The following SSH2 variants were observed in gnomAD, a reference collection of about 807,000 sequenced individuals.
SSH2 encodes the protein slingshot protein phosphatase 2, also known as protein phosphatase Slingshot homolog 2.
Under a neutral mutation model 135.2 loss-of-function variants are expected in SSH2, and 37 were observed. The ratio of observed to expected loss-of-function variants is 0.27; its 90% CI spans 0.21 to 0.36. The LOEUF is 0.36. SSH2 is among the 10% of genes least tolerant of loss of function. The pLI, the probability that SSH2 is intolerant of heterozygous loss-of-function variation, is 1.00. For synonymous variants in SSH2, 628 were observed against 646.2 expected (o/e 0.97, Z 0.43); for missense variants, 1,408 against 1,765.3 (o/e 0.80, Z 3.63).
rs2035915750 is a variant in SSH2, at chr17:29,636,394, C to T, written c.1836G>A (p.Met612Ile). The change falls in exon 15 of 16, where the codon ATG (methionine) becomes ATA (isoleucine). Residue 612 changes from methionine (M) to isoleucine (I), a missense_variant. By Grantham distance (10) the Met-to-Ile change is conservative. Transcript: ENST00000540801. ...ALIQPGHVPE[M>I]ANKFPDLTVE... is the part of the protein sequence containing the mutation. ...CTGTTAAGTCTGGAAACTTGTTGGC[C>T]ATTTCTGGGACATGTCCAGGCTGAA... 6.2e-7 allele frequency: 1 copy of T among 1,613,996 alleles called. No homozygotes were observed. The highest frequency in any genetic ancestry group is 1.3e-5 in the African/African-American group (1 of 74,864).
intron 3 of SSH2, among the ~76,000 whole-genome samples, chr17:29,714,111 T>G (rs1567907968): frequency 1.3e-5 from 2 of 152,088 alleles, no homozygotes; most frequent in South Asian, 4.1e-4. Context: ...TTTTTCAAAA[T>G]GGAAAAATTT....
At chr17:29,731,091 G>A (rs370572975) in intron 3 of SSH2, among the ~76,000 whole-genome samples, 26 of 152,250 alleles carry the variant, frequency 1.7e-4, no homozygotes, top group African/African-American at 6.3e-4. Flanking sequence ...ATGTCTGGGT[G>A]CCTCTGAGTC....
At chr17:29,700,689 C>T (rs1001058456) in intron 4 of SSH2, among the ~76,000 whole-genome samples, 2 of 152,206 alleles carry the variant, frequency 1.3e-5, no homozygotes, top group African/African-American at 4.8e-5. Flanking sequence ...TATTCTGTAT[C>T]ATTCCCCTCC....
intron 3 of SSH2, among the ~76,000 whole-genome samples, chr17:29,736,057 A>T (rs1376076689): frequency 1.3e-5 from 2 of 152,144 alleles, no homozygotes; most frequent in Non-Finnish European, 2.9e-5. Context: ...AGATTGCGCC[A>T]CTGCAGTCCA....
intron 1 of SSH2, among the ~76,000 whole-genome samples, chr17:29,912,185 A>T (rs2066777508): frequency 6.6e-6 from 1 of 152,224 alleles, no homozygotes; most frequent in African/African-American, 2.4e-5. Flanking sequence ...ATGTACTGCC[A>T]GAGCTACAAT....
intron 1 of SSH2, among the ~76,000 whole-genome samples, chr17:29,920,546 T>C (rs1452211617): frequency 6.6e-6 from 1 of 152,158 alleles, no homozygotes; most frequent in Non-Finnish European, 1.5e-5. Flanking sequence ...ATTTAGTACT[T>C]CCCAAGGAGG....
intron 3 of SSH2, among the ~76,000 whole-genome samples, chr17:29,738,105 G>A (rs1477914698): frequency 6.6e-6 from 1 of 152,188 alleles, no homozygotes; most frequent in Non-Finnish European, 1.5e-5. Flanking sequence ...GGGCCCGGGT[G>A]TGTGATGTTC....
intron 3 of SSH2, among the ~76,000 whole-genome samples, chr17:29,769,099 A>G (rs999872021): frequency 3.3e-5 from 5 of 152,170 alleles, no homozygotes; most frequent in Non-Finnish European, 5.9e-5. Flanking sequence ...CACTATCTCA[A>G]TTCTTATAAA....
intron 1 of SSH2, among the ~76,000 whole-genome samples, chr17:29,901,591 A>T (rs371213093): frequency 6.6e-6 from 1 of 152,170 alleles, no homozygotes; most frequent in African/African-American, 2.4e-5. Context: ...TTGACCTCTG[A>T]TTAACAAGAA....
rs191454182 is a variant in SSH2, at chr17:29,681,267, G to A, written c.479+3296C>T. ...GGAGAATCGCTTGAACCCAGGAGACGGAGGTTGCAGTGAGCTGAGATTGCA... is the reference window on the plus strand; with the variant it reads ...GGAGAATCGCTTGAACCCAGGAGACAGAGGTTGCAGTGAGCTGAGATTGCA... On this transcript the variant is annotated intron_variant, in intron 6 of 15. Coordinates refer to ENST00000540801, the MANE Select transcript of SSH2 (RefSeq NM_001282129.2). Among the ~76,000 whole-genome samples, 276 of 145,354 alleles carry A rather than the reference G, an allele frequency of 1.9e-3. 1 individual carries two copies. The highest frequency in any genetic ancestry group is 6.8e-3 in the African/African-American group (268 of 39,518).
chr17:29,688,090 A>G (rs1397664957), intron 5 of SSH2, among the ~76,000 whole-genome samples: 2 of 150,518 alleles, frequency 1.3e-5, no homozygotes, highest in Non-Finnish European at 3.0e-5. Flanking sequence ...GGCTCACTGC[A>G]ACCCCCGCCC....
At chr17:29,873,548 G>C (rs1432339264) in intron 1 of SSH2, among the ~76,000 whole-genome samples, 4 of 150,492 alleles carry the variant, frequency 2.7e-5, no homozygotes, top group African/African-American at 7.4e-5. Flanking sequence ...GACAGAGCCA[G>C]ACTATGTTTA....
chr17:29,847,954 G>A (rs891239525), intron 2 of SSH2, among the ~76,000 whole-genome samples: 1 of 152,138 alleles, frequency 6.6e-6, no homozygotes, highest in Non-Finnish European at 1.5e-5. Context: ...CAGTTGCCAA[G>A]AGCCCACACG....
At chr17:29,684,400 C>A (rs566867850) in intron 6 of SSH2, among the ~76,000 whole-genome samples, 163 bp downstream of exon 6, 1 of 151,880 alleles carries the variant, frequency 6.6e-6, no homozygotes, top group East Asian at 1.9e-4. Context: ...TCGCTTGAAC[C>A]CGGGAGGCGG....
intron 3 of SSH2, among the ~76,000 whole-genome samples, chr17:29,706,598 A>T (rs1337239751): frequency 6.6e-6 from 1 of 152,228 alleles, no homozygotes; most frequent in Non-Finnish European, 1.5e-5. Context: ...GCCACACCAC[A>T]GACAGGAAAT....
chr17:29,714,777 T>C (rs2039557910), intron 3 of SSH2, among the ~76,000 whole-genome samples: 1 of 152,164 alleles, frequency 6.6e-6, no homozygotes, highest in Admixed American at 6.5e-5. Context: ...TGATTACAAC[T>C]CCCTCTCCTT....
intron 3 of SSH2, among the ~76,000 whole-genome samples, chr17:29,781,553 C>T (rs1403074755): frequency 7.0e-6 from 1 of 143,778 alleles, no homozygotes; most frequent in Admixed American, 7.3e-5. Flanking sequence ...AGTCTCAGCT[C>T]ACTGCAACCT....
rs2042849271 is a variant in SSH2 at position 29,831,781 on chromosome 17, T to C, written c.144+17068A>G. Among the ~76,000 whole-genome samples the C allele has an allele frequency of 3.9e-5, 6 of 152,044 alleles. No homozygotes were observed. In the South Asian group the frequency reaches 8.3e-4, roughly 21 times the overall value. ...TTGTGGTAGAGACGGGGTTTCGCCA[T>C]GTTGGCGAGGCTGTCTCCAACTCCT... On this transcript the variant is annotated intron_variant, in intron 2 of 15. Coordinates refer to ENST00000540801, the MANE Select transcript of SSH2 (RefSeq NM_001282129.2).
chr17:29,662,017 C>T (rs546427556), intron 11 of SSH2, among the ~76,000 whole-genome samples: 16 of 152,274 alleles, frequency 1.1e-4, no homozygotes, highest in South Asian at 8.3e-4. Context: ...TCTTTGCAGA[C>T]CCAATTTCCC....
Sources: allele counts gnomAD v4.1 joint callset (sites outside exome capture counted in the v4.1 genomes callset), GRCh38; gene constraint gnomAD v4.1.1; transcripts MANE v1.5; gene names NCBI Gene and HGNC (gene_info 2026-07-23, HGNC 2026-07-21).